The following TSHZ2 variants were observed in gnomAD, a reference collection of about 807,000 sequenced individuals.
TSHZ2 encodes the protein teashirt zinc finger homeobox 2, also known as teashirt homolog 2.
Under a neutral mutation model 74.4 loss-of-function variants are expected in TSHZ2, and 21 were observed. That is an observed-to-expected ratio of 0.28 (90% confidence interval 0.20 to 0.41). The LOEUF is 0.41. TSHZ2 is among the 10% of genes least tolerant of loss of function. The pLI is 1.00. For missense variants in TSHZ2, 1,244 were observed against 1,293.5 expected (o/e 0.96, Z 0.59); for synonymous variants, 540 against 515.3 (o/e 1.05, Z -0.65).
intron 1 of TSHZ2, among the ~76,000 whole-genome samples, chr20:53,089,532 T>G (rs1388193551): frequency 6.6e-6 from 1 of 152,092 alleles, no homozygotes; most frequent in East Asian, 1.9e-4. Flanking sequence ...GTACTTGGCA[T>G]TTGGGATAAC....
chr20:53,391,780 T>A (rs1462434241), intron 2 of TSHZ2, among the ~76,000 whole-genome samples: 1 of 152,092 alleles, frequency 6.6e-6, no homozygotes, highest in Non-Finnish European at 1.5e-5. Flanking sequence ...CTGTCTCTAC[T>A]AAAAATACAA....
intron 1 of TSHZ2, among the ~76,000 whole-genome samples, chr20:53,025,918 C>A (rs941832753): frequency 1.3e-5 from 2 of 152,122 alleles, no homozygotes; most frequent in Admixed American, 1.3e-4. Flanking sequence ...ACATGTAGTT[C>A]TCTTTCACCC....
intron 1 of TSHZ2, among the ~76,000 whole-genome samples, chr20:53,056,411 C>T (rs1984641029): frequency 6.6e-6 from 1 of 152,202 alleles, no homozygotes; most frequent in Admixed American, 6.5e-5. Context: ...ACATCGCAGT[C>T]TATTGATTCT....
chr20:53,135,678 G>A (rs1194763606), intron 1 of TSHZ2, among the ~76,000 whole-genome samples: 2 of 152,008 alleles, frequency 1.3e-5, no homozygotes, highest in Non-Finnish European at 2.9e-5. Context: ...ATAGCTCACT[G>A]CATCCTTGAC....
Position 53,489,044 on chromosome 20 carries a change from C to T in TSHZ2, c.*1909C>T, listed in dbSNP as rs141316447. On this transcript the variant is annotated 3_prime_UTR_variant, in exon 3 of 3. Coordinates refer to ENST00000371497, the MANE Select transcript of TSHZ2 (RefSeq NM_173485.6). ...ACAGAAAATATACCCCTCACATCAT[C>T]GGATTGAGATGGCAGTCGAAATAGC... 5.0e-4 allele frequency: 226 copies of T among 456,146 alleles called. 1 individual carries two copies. The East Asian group carries it at 6.3e-3, about 13-fold the overall frequency. 28.3% of individuals were successfully genotyped at this position (456,146 alleles called of 1,614,324 possible). A position where few individuals can be genotyped will look rare whatever the true frequency, so the allele number is the denominator to read the frequency against.
intron 2 of TSHZ2, among the ~76,000 whole-genome samples, chr20:53,281,763 A>G (rs1991065440): frequency 6.6e-6 from 1 of 152,358 alleles, no homozygotes; most frequent in Non-Finnish European, 1.5e-5. Flanking sequence ...AAGAAAGCCA[A>G]GCAAGTCCTA....
chr20:53,103,786 C>T (rs141192088), intron 1 of TSHZ2, among the ~76,000 whole-genome samples: 1 of 152,214 alleles, frequency 6.6e-6, no homozygotes, highest in East Asian at 1.9e-4. Flanking sequence ...TTTTGATGCT[C>T]CATGATGAAT....
chr20:53,177,291 A>G (rs925518190), intron 1 of TSHZ2, among the ~76,000 whole-genome samples: 5 of 152,244 alleles, frequency 3.3e-5, no homozygotes, highest in African/African-American at 1.2e-4. Flanking sequence ...AGATTCCAAT[A>G]CAGGTTAAAA....
intron 2 of TSHZ2, among the ~76,000 whole-genome samples, chr20:53,281,875 A>T (rs1281352661): frequency 6.6e-6 from 1 of 152,198 alleles, no homozygotes; most frequent in Non-Finnish European, 1.5e-5. Context: ...TCAATCAGTC[A>T]TTGGCTCAAG....
At chr20:53,105,359 T>C (rs1358079031) in intron 1 of TSHZ2, among the ~76,000 whole-genome samples, 5 of 152,200 alleles carry the variant, frequency 3.3e-5, no homozygotes, top group Admixed American at 2.6e-4. Context: ...GTAGAATGTT[T>C]AGCGGCATCC....
chr20:53,146,633 A>G (rs1215563303), intron 1 of TSHZ2, among the ~76,000 whole-genome samples: 1 of 152,232 alleles, frequency 6.6e-6, no homozygotes, highest in Non-Finnish European at 1.5e-5. Context: ...TAAATGTGTA[A>G]TTGCCCTCAA....
intron 1 of TSHZ2, among the ~76,000 whole-genome samples, chr20:53,180,259 C>A (rs541933504): frequency 6.6e-6 from 1 of 152,128 alleles, no homozygotes; most frequent in Non-Finnish European, 1.5e-5. Context: ...TACCAAAATC[C>A]ATCTTTCATT....
chr20:53,462,333 T>A (rs1283826684), intron 2 of TSHZ2, among the ~76,000 whole-genome samples: 1 of 152,200 alleles, frequency 6.6e-6, no homozygotes, highest in East Asian at 1.9e-4. Flanking sequence ...AACAGCCTCA[T>A]GTTTACTTAA....
At chr20:53,447,949 T>C (rs1162198086) in intron 2 of TSHZ2, among the ~76,000 whole-genome samples, 5 of 150,880 alleles carry the variant, frequency 3.3e-5, no homozygotes, top group Admixed American at 3.3e-4. Context: ...AGTCTCACTC[T>C]GTTGCCCAGG....
rs555679418 is a variant in TSHZ2 at position 53,367,831 on chromosome 20, A to G, written c.*8+111260A>G. Among the ~76,000 whole-genome samples, 5 of 152,180 alleles carry G rather than the reference A, an allele frequency of 3.3e-5. No homozygotes were observed. The East Asian group carries it at 9.7e-4, about 29-fold the overall frequency. ...CGTGATCCACCCACCTCGGCCTCCC[A>G]AAGTGCTGGGATTACAGGCATGAGC... On this transcript the variant is annotated intron_variant, in intron 2 of 2. Coordinates refer to ENST00000371497, the MANE Select transcript of TSHZ2 (RefSeq NM_173485.6).
chr20:53,361,934 T>C (rs982098364), intron 2 of TSHZ2, among the ~76,000 whole-genome samples: 2 of 152,022 alleles, frequency 1.3e-5, no homozygotes, highest in African/African-American at 4.8e-5. Flanking sequence ...TTTTTTTTTT[T>C]CTGGAGACAG....
chr20:53,181,486 A>G (rs567861655), intron 1 of TSHZ2, among the ~76,000 whole-genome samples: 1 of 152,326 alleles, frequency 6.6e-6, no homozygotes, highest in African/African-American at 2.4e-5. Context: ...CACTGGACAG[A>G]AAAAAGAGGT....
intron 2 of TSHZ2, among the ~76,000 whole-genome samples, chr20:53,387,128 C>A (rs1982075964): frequency 6.6e-6 from 1 of 152,100 alleles, no homozygotes; most frequent in Non-Finnish European, 1.5e-5. Context: ...AAGTGGACAG[C>A]GATCGTTTTC....
intron 2 of TSHZ2, among the ~76,000 whole-genome samples, chr20:53,392,765 T>G (rs1029238527): frequency 6.6e-6 from 1 of 152,186 alleles, no homozygotes; most frequent in African/African-American, 2.4e-5. Flanking sequence ...CATGGGTAAA[T>G]TGTGTGTCTT....
Sources: allele counts gnomAD v4.1 joint callset (sites outside exome capture counted in the v4.1 genomes callset), GRCh38; gene constraint gnomAD v4.1.1; transcripts MANE v1.5; gene names NCBI Gene and HGNC (gene_info 2026-07-23, HGNC 2026-07-21).